Variants in RORA observed in about 807,000 individuals in gnomAD.
The protein encoded by RORA is nuclear receptor ROR-alpha.
A neutral mutation model predicts 69.5 loss-of-function variants in RORA; 7 were observed. The ratio of observed to expected loss-of-function variants is 0.10; its 90% CI spans 0.06 to 0.19. The LOEUF (loss-of-function observed/expected upper bound fraction) is 0.19. Ranked by LOEUF, RORA falls within the 10% of genes least tolerant of loss-of-function variation. The pLI, the probability that RORA is intolerant of heterozygous loss-of-function variation, is 1.00. For synonymous variants in RORA, 261 were observed against 240.8 expected, an observed-to-expected ratio of 1.08 and a Z score of -0.78; for missense variants, 457 against 663.0, an observed-to-expected ratio of 0.69 and a Z score of 3.41.
At chr15:60,886,165 C>G (rs566804711) in intron 1 of RORA, among the ~76,000 whole-genome samples, 1 of 152,148 alleles carries the variant, frequency 6.6e-6, no homozygotes, top group Admixed American at 6.5e-5. Flanking sequence ...TTACATTTCC[C>G]CCAAAAAATC....
chr15:60,790,979 C>G (rs1197872606), intron 1 of RORA, among the ~76,000 whole-genome samples: 4 of 152,112 alleles, frequency 2.6e-5, no homozygotes, highest in African/African-American at 9.7e-5. Flanking sequence ...CCATTGCCCC[C>G]CCAAAAAGCT....
chr15:60,911,181 T>C lies in RORA; in HGVS notation c.167-232495A>G, dbSNP rs191427656. The stretch of plus-strand genomic sequence containing the variant: ...AATTCCTGACCTCAGGTGATTCACC[T>C]GCCTCAGCCTCCCAAAGTGCTGGGA... On this transcript the variant is annotated intron_variant, in intron 1 of 10. Transcript: ENST00000335670. Among the ~76,000 whole-genome samples the C allele has an allele frequency of 2.4e-4, 35 of 146,012 alleles. No homozygotes were observed. In the East Asian group the frequency reaches 5.9e-3, roughly 25 times the overall value.
chr15:60,643,805 G>A (rs1001800560), intron 2 of RORA, among the ~76,000 whole-genome samples: 5 of 152,180 alleles, frequency 3.3e-5, no homozygotes, highest in African/African-American at 1.2e-4. Flanking sequence ...GGGAGTTATT[G>A]TGTTGCTTTT....
At chr15:61,075,427 G>A (rs113870169) in intron 1 of RORA, among the ~76,000 whole-genome samples, 5 of 152,156 alleles carry the variant, frequency 3.3e-5, no homozygotes, top group East Asian at 1.9e-4. Flanking sequence ...GTGGGTGTGC[G>A]TCTGTGCAGA....
rs749032388 is a variant in RORA at position 61,229,137 on chromosome 15, C to G, written c.82G>C (p.Glu28Gln). The G allele has an allele frequency of 1.9e-5, 30 of 1,542,676 alleles. No homozygotes were observed. The highest frequency in any genetic ancestry group is 5.9e-5 in the Admixed American group (3 of 50,752). The change falls in exon 1 of 11, where the codon GAG becomes CAG. Residue 28 changes from glutamate (E) to glutamine (Q), a missense_variant. Transcript: ENST00000335670. ...SGADAAAGSR[E>Q]TPLNQESARK... Reference sequence around the variant, plus strand: ...GCGGATTCCTGGTTCAGCGGGGTCTCCCTGGAGCCGGCGGCCGCGTCCGCG... The same window carrying G: ...GCGGATTCCTGGTTCAGCGGGGTCTGCCTGGAGCCGGCGGCCGCGTCCGCG...
intron 1 of RORA, among the ~76,000 whole-genome samples, chr15:60,801,950 G>A (rs1009655910): frequency 3.9e-5 from 6 of 152,198 alleles, no homozygotes; most frequent in Non-Finnish European, 7.4e-5. Context: ...ACGTTAGCTA[G>A]GTAGGAAATG....
chr15:60,604,203 C>T (rs182584824), intron 2 of RORA, among the ~76,000 whole-genome samples: 16 of 150,566 alleles, frequency 1.1e-4, no homozygotes, highest in Admixed American at 9.9e-4. Context: ...AAAAAGGACA[C>T]CTGTTTATAA....
chr15:60,955,901 G>T (rs548982326), intron 1 of RORA, among the ~76,000 whole-genome samples: 1 of 152,174 alleles, frequency 6.6e-6, no homozygotes, highest in African/African-American at 2.4e-5. Flanking sequence ...CTGCAAAGAG[G>T]TCAGATGACA....
chr15:60,894,921 T>C (rs7172917), intron 1 of RORA, among the ~76,000 whole-genome samples: 103,220 of 152,076 alleles, frequency 0.68, 35,989 homozygotes, highest in South Asian at 0.81. Flanking sequence ...CAGGGCTCGT[T>C]GTCACAGCAT....
chr15:61,211,896 T>A (rs2079995434), intron 1 of RORA: 1 of 152,186 alleles, frequency 6.6e-6, no homozygotes, highest in African/African-American at 2.4e-5. Context: ...AGAAAACTGT[T>A]AAGTGCCATC....
intron 2 of RORA, among the ~76,000 whole-genome samples, chr15:60,605,854 A>G (rs962981065): frequency 1.3e-5 from 2 of 152,228 alleles, no homozygotes; most frequent in Non-Finnish European, 2.9e-5. Context: ...ACCTGACAAC[A>G]GTTCTAAATC....
chr15:61,090,080 A>G (rs961683850), intron 1 of RORA, among the ~76,000 whole-genome samples: 1 of 152,174 alleles, frequency 6.6e-6, no homozygotes, highest in Admixed American at 6.5e-5. Flanking sequence ...CTTCAGAGAC[A>G]TTTCTCCATT....
intron 1 of RORA, among the ~76,000 whole-genome samples, chr15:60,833,916 T>C (rs2073081178): frequency 6.6e-6 from 1 of 152,132 alleles, no homozygotes. Flanking sequence ...TCCTCTGCCT[T>C]TGCACCATGA....
chr15:60,745,819 G>A (rs897142513), intron 1 of RORA, among the ~76,000 whole-genome samples: 12 of 152,148 alleles, frequency 7.9e-5, no homozygotes, highest in Non-Finnish European at 1.6e-4. Context: ...AAAAACTGAT[G>A]CTGCTGATTT....
At chr15:60,622,396 T>C (rs1024042835) in intron 2 of RORA, among the ~76,000 whole-genome samples, 1 of 152,080 alleles carries the variant, frequency 6.6e-6, no homozygotes, top group Admixed American at 6.5e-5. Context: ...GCAGATTGCT[T>C]GAGCTCGGGA....
chr15:60,679,581 T>C (rs1388895918), intron 1 of RORA, among the ~76,000 whole-genome samples: 1 of 151,162 alleles, frequency 6.6e-6, no homozygotes, highest in Non-Finnish European at 1.5e-5. Flanking sequence ...AGCCTGTGAC[T>C]AAGAACTGTG....
At chr15:61,215,462 G>A (rs1596078228) in intron 1 of RORA, among the ~76,000 whole-genome samples, 1 of 152,336 alleles carries the variant, frequency 6.6e-6, no homozygotes, top group East Asian at 1.9e-4. Flanking sequence ...GGATGAAGAG[G>A]TTGAAACAAA....
intron 1 of RORA, among the ~76,000 whole-genome samples, chr15:60,781,689 G>C (rs562034563): frequency 1.1e-4 from 16 of 152,188 alleles, no homozygotes; most frequent in Non-Finnish European, 2.1e-4. Context: ...TCCCTGGGGT[G>C]GGGGGTAGGG....
intron 1 of RORA, among the ~76,000 whole-genome samples, chr15:60,851,949 C>T (rs2073329740): frequency 6.6e-6 from 1 of 152,146 alleles, no homozygotes; most frequent in Non-Finnish European, 1.5e-5. Context: ...ATTCCCCGGC[C>T]ATGTTCCCCA....
Sources: allele counts gnomAD v4.1 joint callset (sites outside exome capture counted in the v4.1 genomes callset), GRCh38; gene constraint gnomAD v4.1.1; transcripts MANE v1.5; gene names NCBI Gene and HGNC (gene_info 2026-07-23, HGNC 2026-07-21).